PCDHGA3: variants seen among roughly 807,000 people sequenced by gnomAD.
PCDHGA3 encodes protocadherin gamma subfamily A, 3.
PCDHGA3 carries 40 observed loss-of-function variants against 58.5 expected under a neutral mutation model. The ratio of observed to expected loss-of-function variants is 0.68; its 90% CI spans 0.53 to 0.89. The LOEUF is 0.89. Ranked by LOEUF, PCDHGA3 falls within the 40% of genes least tolerant of loss-of-function variation. The probability of loss-of-function intolerance (pLI) is 0.00; values close to 1 mark genes in which losing one functional copy is unlikely to be tolerated. For synonymous variants in PCDHGA3, 530 were observed against 525.7 expected (o/e 1.01, Z -0.11); for missense variants, 1,223 against 1,195.9 (o/e 1.02, Z -0.33).
chr5:141,420,547 G>A (rs898726649), intron 1 of PCDHGA3: 1 of 278,678 alleles, frequency 3.6e-6, no homozygotes, highest in Non-Finnish European at 6.4e-6. Context: ...TAAAATACAG[G>A]TATATTTTTA....
intron 1 of PCDHGA3, chr5:141,418,309 G>A (rs756375907): frequency 6.2e-7 from 1 of 1,614,008 alleles, no homozygotes; most frequent in South Asian, 1.1e-5. Flanking sequence ...GCCTGGGGAT[G>A]GGAACAATTC....
In PCDHGA3 at chr5:141,355,168, C is replaced by T. The variant is rs767745541; in HGVS notation, c.2424+8711C>T. ...TCCTCAGGCCTCGACAGAGGGAAAA[C>T]CGAAGCACAGGCGACTCCGCGGCGG... On this transcript the variant is annotated intron_variant, in intron 1 of 3. Transcript: ENST00000253812. 3 of 1,568,158 alleles carry T rather than the reference C, an allele frequency of 1.9e-6. No homozygotes were observed. In the African/African-American group the frequency reaches 4.1e-5, roughly 21 times the overall value.
chr5:141,403,273 A>C, intron 1 of PCDHGA3: 1 of 1,613,886 alleles, frequency 6.2e-7, no homozygotes, highest in African/African-American at 1.3e-5. Context: ...TGAACTTTAA[A>C]GTCCTGGTTG....
In PCDHGA3 at chr5:141,393,130, T is replaced by C. The variant is rs752035971; in HGVS notation, c.2424+46673T>C. 19 of 1,613,248 alleles carry C rather than the reference T, an allele frequency of 1.2e-5. No individual in the cohort carries two copies. In the Admixed American group the frequency reaches 2.7e-4, roughly 23 times the overall value. On this transcript the variant is annotated intron_variant, in intron 1 of 3. Transcript: ENST00000253812. ...CAGAGCCCGCGGTGTCTGATAAATA[T>C]TAACACCCTGGTTGAGGATAAAGGA...
chr5:141,508,171 A>G (rs1364776681), intron 3 of PCDHGA3: 2 of 152,406 alleles, frequency 1.3e-5, no homozygotes, highest in African/African-American at 4.8e-5. Context: ...AGGCTGGCAC[A>G]GGAGAGAAGG....
At chr5:141,412,601 A>G (rs2095565422) in intron 1 of PCDHGA3, 1 of 152,188 alleles carries the variant, frequency 6.6e-6, no homozygotes, top group African/African-American at 2.4e-5. Context: ...ACTAAATAAA[A>G]TTGGCCTATT....
chr5:141,381,417 G>C (rs954058342), intron 1 of PCDHGA3, among the ~76,000 whole-genome samples: 1 of 152,332 alleles, frequency 6.6e-6, no homozygotes, highest in Admixed American at 6.5e-5. Flanking sequence ...GTGGAGAGAC[G>C]AGTACCTCTA....
At chr5:141,419,946 T>C in intron 1 of PCDHGA3, 1 of 1,614,086 alleles carries the variant, frequency 6.2e-7, no homozygotes, top group Non-Finnish European at 8.5e-7. Context: ...GTGGTGGCCT[T>C]GGCCTTGATT....
rs559316235 is a variant in PCDHGA3, at chr5:141,398,652, C to T, written c.2424+52195C>T. 27 of 1,613,990 alleles carry T rather than the reference C, an allele frequency of 1.7e-5. No homozygotes were observed. The East Asian group carries it at 5.1e-4, about 31-fold the overall frequency. ...TGCAGAAGTATAAACTCTCTCTTAA[C>T]CCAAGTTTCTCATTAATAATTAAGG... On this transcript the variant is annotated intron_variant, in intron 1 of 3. Coordinates refer to ENST00000253812, the MANE Select transcript of PCDHGA3 (RefSeq NM_018916.4).
At chr5:141,421,827 C>A in intron 1 of PCDHGA3, 1 of 1,613,802 alleles carries the variant, frequency 6.2e-7, no homozygotes, top group Non-Finnish European at 8.5e-7. Flanking sequence ...TGGAGGGAAG[C>A]CTGGACCGAG....
rs777247531 is a variant in PCDHGA3 at position 141,476,417 on chromosome 5, C to T, written c.2425-18390C>T. 3 of 1,614,112 alleles carry T rather than the reference C, an allele frequency of 1.9e-6. No homozygotes were observed. Among genetic ancestry groups the T allele is most frequent in the Admixed American group, 1.7e-5 (1 of 60,018 alleles). The stretch of plus-strand genomic sequence containing the variant: ...GGATCGAGAGGAGCTGTGTGGGACA[C>T]TGCCCTCTTGCACTGTAACTCTGGA... On this transcript the variant is annotated intron_variant, in intron 1 of 3. Coordinates refer to ENST00000253812, the MANE Select transcript of PCDHGA3 (RefSeq NM_018916.4). The surrounding 1 kb of genome is among the most constrained non-coding windows in gnomAD (Gnocchi z 7.6).
chr5:141,362,004 G>A (rs779926353), intron 1 of PCDHGA3: 27 of 1,604,352 alleles, frequency 1.7e-5, no homozygotes, highest in African/African-American at 1.6e-4. Flanking sequence ...GGTTGCGCAC[G>A]GGTGAGGTGC....
rs1554116873 is a variant in PCDHGA3 at position 141,423,758 on chromosome 5, G to GT, written c.2425-71049_2425-71048insT. On this transcript the variant is annotated intron_variant, in intron 1 of 3. Coordinates refer to ENST00000253812, the MANE Select transcript of PCDHGA3 (RefSeq NM_018916.4). Reference sequence around the variant, plus strand: ...CTGTTATGAAAACTGTTTGGGGGGGGGGTGGGGCGGCATATATTTAGTTCA... The same window carrying GT: ...CTGTTATGAAAACTGTTTGGGGGGGGTGGTGGGGCGGCATATATTTAGTTCA... 14 of 366,842 alleles carry GT rather than the reference G, an allele frequency of 3.8e-5. 1 individual carries two copies. The highest frequency in any genetic ancestry group is 5.4e-5 in the Non-Finnish European group (14 of 259,742). The allele number at this position is 366,842 out of a possible 1,614,324, so 22.7% of individuals were successfully genotyped here. A position where few individuals can be genotyped will look rare whatever the true frequency, so the allele number is the denominator to read the frequency against.
At chr5:141,375,816 C>A (rs755968729) in intron 1 of PCDHGA3, 6 of 1,614,194 alleles carry the variant, frequency 3.7e-6, no homozygotes, top group South Asian at 3.3e-5. Context: ...GTGGAGCTGG[C>A]GCCCCGCTCC....
At chr5:141,346,637 G>C (rs1303742317) in intron 1 of PCDHGA3, 180 bp downstream of exon 1, 2 of 910,860 alleles carry the variant, frequency 2.2e-6, no homozygotes, top group Admixed American at 2.9e-5. Flanking sequence ...GTCTGGTTAT[G>C]GTTGAGTGGG....
chr5:141,422,028 A>C, intron 1 of PCDHGA3: 1 of 1,611,196 alleles, frequency 6.2e-7, no homozygotes, highest in Non-Finnish European at 8.5e-7. Flanking sequence ...TGGTTAATGC[A>C]ACGGATCCAG....
chr5:141,351,754 G>A, intron 1 of PCDHGA3: 2 of 1,613,608 alleles, frequency 1.2e-6, no homozygotes, highest in Non-Finnish European at 1.7e-6. Context: ...GGGAGCTGTT[G>A]TCCTACGTGT....
In PCDHGA3 at chr5:141,430,969, TAGGACGCA is replaced by T. The variant is rs775497521; in HGVS notation, c.2425-63837_2425-63830del. The T allele has an allele frequency of 7.3e-5, 118 of 1,613,012 alleles. 1 individual carries two copies. The Middle Eastern group carries it at 1.8e-3, about 25-fold the overall frequency. On this transcript the variant is annotated intron_variant, in intron 1 of 3. Transcript: ENST00000253812. ...GCGGAGTCCGCATCATCCCCAGAGG[TAGGACGCA>T]GCTTTTCGCCCTGAATCCGCGCAGC...
At chr5:141,414,936 G>T in intron 1 of PCDHGA3, 1 of 1,614,118 alleles carries the variant, frequency 6.2e-7, no homozygotes, top group South Asian at 1.1e-5. Context: ...GCTCCGCAGA[G>T]CCCGGCTACC....
Sources: gnomAD v4.1 joint callset for allele counts (sites outside exome capture counted in the v4.1 genomes callset) on GRCh38, gnomAD v4.1.1 for gene constraint, Gnocchi (gnomAD v3.1) non-coding constraint, MANE v1.5 for transcripts, NCBI Gene and HGNC (gene_info 2026-07-23, HGNC 2026-07-21) for gene names.